The following CORIN variants were observed in gnomAD, a reference collection of about 807,000 sequenced individuals.
CORIN encodes the protein corin, serine peptidase, also known as atrial natriuretic peptide-converting enzyme.
CORIN carries 117 observed loss-of-function variants against 125.3 expected under a neutral mutation model. The ratio of observed to expected loss-of-function variants is 0.93; its 90% CI spans 0.80 to 1.09. CORIN has a LOEUF of 1.09. Among genes scored for constraint, CORIN ranks in the 50% least tolerant of loss-of-function variants. CORIN has a pLI of 0.00. For synonymous variants in CORIN, 450 were observed against 466.4 expected (o/e 0.96, Z 0.45); for missense variants, 1,253 against 1,306.7 (o/e 0.96, Z 0.63).
chr4:47,818,220 TAA>T (rs1732357611), intron 1 of CORIN, among the ~76,000 whole-genome samples: 1 of 152,198 alleles, frequency 6.6e-6, no homozygotes, highest in Non-Finnish European at 1.5e-5. Flanking sequence ...GAGGAAGACA[TAA>T]GTTTCCTTAA....
At chr4:47,709,271 C>CTTTATTTATTTA (rs71199994) in intron 5 of CORIN, among the ~76,000 whole-genome samples, 1 of 148,336 alleles carries the variant, frequency 6.7e-6, no homozygotes, top group Admixed American at 6.7e-5. Flanking sequence ...ATTTGCAGTA[C>CTTTATTTATTTA]TTTATTTATT....
chr4:47,646,077 G>A (rs575538050), intron 13 of CORIN, among the ~76,000 whole-genome samples: 1 of 146,796 alleles, frequency 6.8e-6, no homozygotes, highest in African/African-American at 2.5e-5. Flanking sequence ...TGACATAGGG[G>A]ACATGGAGAA....
At chr4:47,668,704 G>A (rs1042292326) in intron 10 of CORIN, among the ~76,000 whole-genome samples, 1 of 152,010 alleles carries the variant, frequency 6.6e-6, no homozygotes, top group East Asian at 1.9e-4. Context: ...AGAACATATC[G>A]CATGAATAAT....
At chr4:47,708,383 TCTC>T (rs768951388) in intron 5 of CORIN, among the ~76,000 whole-genome samples, 4 of 152,134 alleles carry the variant, frequency 2.6e-5, no homozygotes, top group Non-Finnish European at 4.4e-5. Context: ...CTTCTCTGAC[TCTC>T]CTCTTCTGCC....
In CORIN at chr4:47,763,189, A is replaced by AT. The variant is rs563208194; in HGVS notation, c.617+189dup. Among the ~76,000 whole-genome samples the AT allele has an allele frequency of 8.7e-4, 133 of 152,200 alleles. 3 individuals carry two copies. The Middle Eastern group carries it at 0.01, about 12-fold the overall frequency. On this transcript the variant is annotated intron_variant, in intron 4 of 21. Transcript: ENST00000273857. ...TAGCATCAATCTAACATTGTGAATA[A>AT]TTTTTTCCCATAAATAAAATTATTC... is the stretch of plus-strand genomic sequence containing the variant.
At chr4:47,709,835 G>A (rs1054712917) in intron 5 of CORIN, among the ~76,000 whole-genome samples, 2 of 152,130 alleles carry the variant, frequency 1.3e-5, no homozygotes, top group Admixed American at 1.3e-4. Context: ...AGCAATTTTT[G>A]TTAACTTTTA....
chr4:47,676,707 C>A (rs1345593978), intron 9 of CORIN, among the ~76,000 whole-genome samples: 1 of 152,112 alleles, frequency 6.6e-6, no homozygotes. Context: ...ACTTTTAAAT[C>A]TGTTTTATCA....
At chr4:47,683,551 T>A (rs1346318071) in intron 7 of CORIN, 180 bp downstream of exon 7, 2 of 513,330 alleles carry the variant, frequency 3.9e-6, no homozygotes, top group African/African-American at 3.9e-5. Context: ...GGTATTACAT[T>A]TACACATAAG....
chr4:47,760,900 G>A (rs1729416903), intron 4 of CORIN, among the ~76,000 whole-genome samples: 1 of 152,178 alleles, frequency 6.6e-6, no homozygotes, highest in Non-Finnish European at 1.5e-5. Flanking sequence ...ATGTCATGGA[G>A]ATGGTTTCTT....
chr4:47,700,907 C>T (rs1291048148), intron 5 of CORIN, among the ~76,000 whole-genome samples: 2 of 152,220 alleles, frequency 1.3e-5, no homozygotes, highest in Non-Finnish European at 2.9e-5. Context: ...TGCTGCTTTC[C>T]CTTTCCGGAG....
In CORIN at chr4:47,769,450, A is replaced by G. The variant is rs1023091085; in HGVS notation, c.410-5864T>C. 6.6e-5 allele frequency among the ~76,000 whole-genome samples: 10 copies of G among 152,208 alleles called. No individual in the cohort carries two copies. In the South Asian group the frequency reaches 1.9e-3, roughly 28 times the overall value. ...TTAATCTCATTAAAATATTCATACTACCCAAAGTGATCTACAGATTCAGTG... is the reference window on the plus strand; with the variant it reads ...TTAATCTCATTAAAATATTCATACTGCCCAAAGTGATCTACAGATTCAGTG... On this transcript the variant is annotated intron_variant, in intron 3 of 21. Coordinates refer to ENST00000273857, the MANE Select transcript of CORIN (RefSeq NM_006587.4).
intron 2 of CORIN, among the ~76,000 whole-genome samples, chr4:47,795,465 C>T (rs958402518): frequency 6.6e-6 from 1 of 151,988 alleles, no homozygotes; most frequent in Non-Finnish European, 1.5e-5. Context: ...CTTTTATCAG[C>T]ATTTTATAGT....
intron 5 of CORIN, among the ~76,000 whole-genome samples, chr4:47,729,929 C>A (rs1284940462): frequency 6.6e-6 from 1 of 152,146 alleles, no homozygotes; most frequent in East Asian, 1.9e-4. Flanking sequence ...TGCTCCGGCT[C>A]CAGGGAAAGA....
intron 3 of CORIN, among the ~76,000 whole-genome samples, chr4:47,771,509 G>T (rs553974107): frequency 8.6e-5 from 13 of 151,734 alleles, no homozygotes; most frequent in African/African-American, 2.9e-4. Context: ...TTGTGTCATG[G>T]GGGGCTGTCA....
chr4:47,613,709 C>T (rs988337853), intron 19 of CORIN, among the ~76,000 whole-genome samples: 1 of 148,204 alleles, frequency 6.7e-6, no homozygotes, highest in Non-Finnish European at 1.5e-5. Flanking sequence ...ATCGCAAGAA[C>T]AAAAAACCAA....
intron 9 of CORIN, among the ~76,000 whole-genome samples, chr4:47,675,889 G>A (rs902236946): frequency 7.2e-5 from 11 of 152,172 alleles, no homozygotes; most frequent in Admixed American, 1.3e-4. Flanking sequence ...CATTTAAAGA[G>A]CAGTAGAAGC....
At chr4:47,756,390 T>C (rs1729148576) in intron 4 of CORIN, among the ~76,000 whole-genome samples, 1 of 152,166 alleles carries the variant, frequency 6.6e-6, no homozygotes, top group South Asian at 2.1e-4. Flanking sequence ...CCCCCAAACT[T>C]TCAAGCGCAT....
intron 13 of CORIN, among the ~76,000 whole-genome samples, chr4:47,646,349 C>T (rs1449541108): frequency 6.6e-6 from 1 of 152,208 alleles, no homozygotes; most frequent in East Asian, 1.9e-4. Flanking sequence ...AAAGCTATTA[C>T]TTTATGGTAG....
intron 5 of CORIN, among the ~76,000 whole-genome samples, chr4:47,733,844 T>C (rs1727998057): frequency 6.6e-6 from 1 of 152,194 alleles, no homozygotes; most frequent in Non-Finnish European, 1.5e-5. Flanking sequence ...TGTGTCCTTC[T>C]ATATGGGAAC....
Sources: allele counts gnomAD v4.1 joint callset (sites outside exome capture counted in the v4.1 genomes callset), GRCh38; gene constraint gnomAD v4.1.1; transcripts MANE v1.5; gene names NCBI Gene and HGNC (gene_info 2026-07-23, HGNC 2026-07-21).